HTR2C: variants seen among roughly 807,000 people sequenced by gnomAD.
The protein encoded by HTR2C is 5-hydroxytryptamine (serotonin) receptor 2C, G protein-coupled.
HTR2C carries 5 observed loss-of-function variants against 21.0 expected under a neutral mutation model. The observed-to-expected ratio is 0.24, with a 90% confidence interval of 0.12 to 0.50. The LOEUF (loss-of-function observed/expected upper bound fraction) is 0.50. Among genes scored for constraint, HTR2C ranks in the 20% least tolerant of loss-of-function variants. HTR2C has a pLI of 0.98. For missense variants in HTR2C, 271 were observed against 371.2 expected, an observed-to-expected ratio of 0.73 and a Z score of 2.22; for synonymous variants, 150 against 145.3, an observed-to-expected ratio of 1.03 and a Z score of -0.23.
intron 2 of HTR2C, among the ~76,000 whole-genome samples, chrX:114,700,111 T>C (rs1321767867): frequency 8.9e-6 from 1 of 111,951 alleles, no homozygotes; most frequent in Non-Finnish European, 1.9e-5. Context: ...ATAACATAAT[T>C]AGTGTAATGA....
chrX:114,601,895 A>G (rs1374646715), intron 1 of HTR2C, among the ~76,000 whole-genome samples: 1 of 92,435 alleles, frequency 1.1e-5, no homozygotes, highest in African/African-American at 4.0e-5. Flanking sequence ...GATTAAGCTG[A>G]AGGGAGGTCT....
chrX:114,852,143 A>G (rs1333541131), intron 5 of HTR2C, among the ~76,000 whole-genome samples: 1 of 111,330 alleles, frequency 9.0e-6, no homozygotes, highest in Non-Finnish European at 1.9e-5. Flanking sequence ...CCAATGGCAT[A>G]TAGTCAAAGC....
intron 2 of HTR2C, among the ~76,000 whole-genome samples, chrX:114,620,426 T>C (rs1929113395): frequency 8.9e-6 from 1 of 112,019 alleles, no homozygotes; most frequent in African/African-American, 3.2e-5. Flanking sequence ...AGTTATAGCA[T>C]AATTTATAAA....
chrX:114,679,097 G>T (rs1649124798), intron 2 of HTR2C, among the ~76,000 whole-genome samples: 1 of 111,625 alleles, frequency 9.0e-6, no homozygotes, highest in African/African-American at 3.3e-5. Context: ...TCTAAGAGAT[G>T]ATTATGTGAA....
Position 114,761,990 on chromosome X carries a change from C to CATATATGTG in HTR2C, c.349+30383_349+30384insATATATGTG, listed in dbSNP as rs782126342. On this transcript the variant is annotated intron_variant, in intron 4 of 5. Coordinates refer to ENST00000276198, the MANE Select transcript of HTR2C (RefSeq NM_000868.4). ...ATGTGTATATATACGTGTATATATA[C>CATATATGTG]TATATATACACATATATATAGTATA... 7.4e-3 allele frequency among the ~76,000 whole-genome samples: 73 copies of CATATATGTG among 9,919 alleles called. 27 individuals carry two copies. The highest frequency in any genetic ancestry group is 0.026 in the South Asian group (5 of 195). 8.6% of individuals were successfully genotyped at this position (9,919 alleles called of 115,157 possible). A position where few individuals can be genotyped will look rare whatever the true frequency, so the allele number is the denominator to read the frequency against.
chrX:114,705,854 A>G (rs1483974493), intron 2 of HTR2C, among the ~76,000 whole-genome samples: 1 of 77,871 alleles, frequency 1.3e-5, no homozygotes, highest in Non-Finnish European at 2.5e-5. Context: ...ACTCAAACAA[A>G]TTTACAAGAA....
chrX:114,827,245 G>A (rs992526307), intron 4 of HTR2C, among the ~76,000 whole-genome samples: 3 of 110,933 alleles, frequency 2.7e-5, no homozygotes, highest in Non-Finnish European at 5.7e-5. Context: ...TTTAGATTTT[G>A]GAGAATTTGG....
intron 2 of HTR2C, among the ~76,000 whole-genome samples, chrX:114,690,278 G>C (rs1207279229): frequency 9.0e-6 from 1 of 111,510 alleles, no homozygotes; most frequent in Non-Finnish European, 1.9e-5. Flanking sequence ...TCTCCAAGTA[G>C]GGGGCAAGAA....
intron 2 of HTR2C, among the ~76,000 whole-genome samples, chrX:114,631,722 A>G (rs1405619102): frequency 5.4e-5 from 6 of 111,555 alleles, no homozygotes; most frequent in African/African-American, 2.0e-4. Flanking sequence ...ATAAACAGTC[A>G]GCTTAGACCT....
At chrX:114,730,536 C>T (rs1556422992) in intron 3 of HTR2C, among the ~76,000 whole-genome samples, 1 of 111,550 alleles carries the variant, frequency 9.0e-6, no homozygotes, top group Admixed American at 9.6e-5. Flanking sequence ...ACAATTGAAC[C>T]AGCATAATGG....
At chrX:114,883,185 T>G in intron 5 of HTR2C, among the ~76,000 whole-genome samples, 1 of 110,365 alleles carries the variant, frequency 9.1e-6, no homozygotes, top group Admixed American at 9.7e-5. Context: ...TCCATATTTC[T>G]GAAAGATCAG....
chrX:114,781,312 C>T (rs901240865), intron 4 of HTR2C, among the ~76,000 whole-genome samples: 3 of 110,372 alleles, frequency 2.7e-5, no homozygotes, highest in African/African-American at 6.6e-5. Flanking sequence ...CATAACAAGA[C>T]GCTGACTCTA....
chrX:114,869,273 G>T (rs1821120223), intron 5 of HTR2C, among the ~76,000 whole-genome samples: 1 of 111,174 alleles, frequency 9.0e-6, no homozygotes, highest in African/African-American at 3.3e-5. Context: ...CCAAGTCTTT[G>T]CTCTTGTGAA....
chrX:114,883,288 C>G (rs781964674), intron 5 of HTR2C, among the ~76,000 whole-genome samples: 1 of 110,804 alleles, frequency 9.0e-6, no homozygotes, highest in African/African-American at 3.3e-5. Context: ...ATCCATCCAT[C>G]TATCTATCTG....
chrX:114,678,000 T>C (rs1486224997), intron 2 of HTR2C, among the ~76,000 whole-genome samples: 1 of 110,567 alleles, frequency 9.0e-6, no homozygotes, highest in Non-Finnish European at 1.9e-5. Context: ...ATAAGATCGT[T>C]CAGTACTGCT....
At chrX:114,729,929 C>A (rs1556422883) in intron 3 of HTR2C, among the ~76,000 whole-genome samples, 1 of 111,557 alleles carries the variant, frequency 9.0e-6, no homozygotes, top group African/African-American at 3.3e-5. Context: ...CAACCAGAGG[C>A]AATTTTCTCC....
intron 4 of HTR2C, among the ~76,000 whole-genome samples, chrX:114,767,402 A>G (rs1411575940): frequency 9.0e-6 from 1 of 110,993 alleles, no homozygotes; most frequent in African/African-American, 3.3e-5. Flanking sequence ...AAAATTCTGT[A>G]GAACAAAACT....
intron 2 of HTR2C, among the ~76,000 whole-genome samples, chrX:114,690,138 G>T (rs1932063343): frequency 9.0e-6 from 1 of 111,400 alleles, no homozygotes; most frequent in African/African-American, 3.3e-5. Context: ...CAACACATCT[G>T]AGCAGCACCC....
intron 2 of HTR2C, among the ~76,000 whole-genome samples, chrX:114,709,991 T>G (rs182870642): frequency 2.7e-5 from 3 of 111,980 alleles, no homozygotes; most frequent in East Asian, 5.6e-4. Flanking sequence ...TTCGGGCTTT[T>G]TGCTATCAGT....
Sources: allele counts gnomAD v4.1 joint callset (sites outside exome capture counted in the v4.1 genomes callset), GRCh38; gene constraint gnomAD v4.1.1; transcripts MANE v1.5; gene names NCBI Gene and HGNC (gene_info 2026-07-23, HGNC 2026-07-21).